CD163: variants seen among roughly 807,000 people sequenced by gnomAD.
CD163 encodes the protein scavenger receptor cysteine-rich type 1 protein M130.
In CD163, 64 loss-of-function variants were observed where a neutral mutation model predicts 129.2. The ratio of observed to expected loss-of-function variants is 0.50; its 90% CI spans 0.41 to 0.61. The LOEUF is 0.61. Ranked by LOEUF, CD163 falls within the 20% of genes least tolerant of loss-of-function variation. The probability of loss-of-function intolerance (pLI) is 0.00; values close to 1 mark genes in which losing one functional copy is unlikely to be tolerated. For missense variants in CD163, 1,061 were observed against 1,377.9 expected, an observed-to-expected ratio of 0.77 and a Z score of 3.64; for synonymous variants, 446 against 478.5, an observed-to-expected ratio of 0.93 and a Z score of 0.89.
At chr12:7,477,252 G>T (rs1949100198) in intron 16 of CD163, among the ~76,000 whole-genome samples, 1 of 152,114 alleles carries the variant, frequency 6.6e-6, no homozygotes, top group South Asian at 2.1e-4. Context: ...ACACCCAAAG[G>T]ATTATAAATC....
chr12:7,492,862 T>C (rs111778769), intron 6 of CD163, among the ~76,000 whole-genome samples: 366 of 152,242 alleles, frequency 2.4e-3, no homozygotes, highest in African/African-American at 8.1e-3. Context: ...AAGATAAAAT[T>C]GATACTCCAG....
chr12:7,479,241 G>A (rs962212071), intron 16 of CD163, among the ~76,000 whole-genome samples: 23 of 152,128 alleles, frequency 1.5e-4, no homozygotes, highest in Admixed American at 7.9e-4. Context: ...AAACAATCAT[G>A]TCTTTGCCAA....
At chr12:7,486,475 C>G (rs1565401868) in intron 10 of CD163, 24 bp downstream of exon 10, 1 of 1,597,996 alleles carries the variant, frequency 6.3e-7, no homozygotes, top group East Asian at 2.2e-5. Flanking sequence ...GTAATTATGA[C>G]CAAAGGTCAT....
intron 6 of CD163, among the ~76,000 whole-genome samples, chr12:7,493,264 C>A (rs541583143): frequency 1.3e-5 from 2 of 152,142 alleles, no homozygotes; most frequent in Non-Finnish European, 2.9e-5. Flanking sequence ...GAATAATGTG[C>A]CAGGAAGAAC....
intron 14 of CD163, 63 bp from the exon 15 acceptor site, chr12:7,481,319 T>G: frequency 7.6e-7 from 1 of 1,322,804 alleles, no homozygotes; most frequent in Non-Finnish European, 1.1e-6. Flanking sequence ...TTGCTGTAAG[T>G]GTGTTTTTTC....
chr12:7,476,276 C>A (rs1949086015), intron 16 of CD163, among the ~76,000 whole-genome samples: 1 of 152,108 alleles, frequency 6.6e-6, no homozygotes, highest in African/African-American at 2.4e-5. Flanking sequence ...GCCTGTATAG[C>A]CAAGACAATC....
rs773093850 is a variant in CD163, at chr12:7,499,134, C to G, written c.512G>C (p.Arg171Thr). 17 of 1,613,966 alleles carry G rather than the reference C, an allele frequency of 1.1e-5. No homozygotes were observed. Among genetic ancestry groups the G allele is most frequent in the Non-Finnish European group, 2.5e-6 (3 of 1,180,006 alleles). The change falls in exon 4 of 17, where the codon AGA becomes ACA. Residue 171 changes from arginine (R) to threonine (T), a missense_variant. Physicochemically the swap from Arg to Thr is moderately conservative, Grantham distance 71 (BLOSUM62 -1). Coordinates refer to ENST00000432237, the MANE Select transcript of CD163 (RefSeq NM_203416.4). ...CCGTCCTTGGAATTTGATCTCTATTCTTCCAGAACACATATTCCCTCCACG... is the reference window on the plus strand; with the variant it reads ...CCGTCCTTGGAATTTGATCTCTATTGTTCCAGAACACATATTCCCTCCACG... ...LTRGGNMCSG[R>T]IEIKFQGRWG...
rs61729515 is a variant in CD163 at position 7,503,667 on chromosome 12, T to C, written c.24A>G (p.Leu8=). MSKLRMV[L]LEDSGSADFR... is the part of the protein sequence containing the mutation. ...TACCAGCAGATCCAGAGTCTTCAAGTAGCACCATTCTGAGTTTGCTCATTC... is the reference window on the plus strand; with the variant it reads ...TACCAGCAGATCCAGAGTCTTCAAGCAGCACCATTCTGAGTTTGCTCATTC... Residue 8 remains leucine (L), a synonymous_variant, in exon 1 of 17, where the codon CTA becomes CTG. Coordinates refer to ENST00000432237, the MANE Select transcript of CD163 (RefSeq NM_203416.4). The C allele has an allele frequency of 5.5e-4, 886 of 1,604,274 alleles. 3 individuals carry two copies. In the African/African-American group the frequency reaches 0.01, roughly 19 times the overall value.
In CD163 at chr12:7,498,848, G is replaced by A; in HGVS notation, c.778+20C>T. On this transcript the variant is annotated intron_variant, in intron 4 of 16. Transcript: ENST00000432237. ...TTTGTCCTCTCCTGGAGAATAGAATGAGCCAAGATCAGTCCTTACTTGAGC... is the reference window on the plus strand; with the variant it reads ...TTTGTCCTCTCCTGGAGAATAGAATAAGCCAAGATCAGTCCTTACTTGAGC... 6 of 1,601,160 alleles carry A rather than the reference G, an allele frequency of 3.7e-6. No individual in the cohort carries two copies. The highest frequency in any genetic ancestry group is 5.1e-6 in the Non-Finnish European group (6 of 1,171,916).
At chr12:7,497,985 A>T (rs1173683084) in intron 4 of CD163, among the ~76,000 whole-genome samples, 5 of 152,212 alleles carry the variant, frequency 3.3e-5, no homozygotes, top group Non-Finnish European at 7.4e-5. Context: ...GACATGCAGA[A>T]AGAGATAGAA....
At chr12:7,494,476 A>G (rs1949372602) in intron 6 of CD163, among the ~76,000 whole-genome samples, 1 of 152,136 alleles carries the variant, frequency 6.6e-6, no homozygotes. Context: ...TACATGTTTA[A>G]TGGTTTTCTT....
At position 7,487,940 on chromosome 12, in the gene CD163, G is replaced by A. The variant is rs773207102; in HGVS notation, c.1568C>T (p.Thr523Ile). 3.1e-6 allele frequency: 5 copies of A among 1,613,928 alleles called. No individual in the cohort carries two copies. The African/African-American group carries it at 4.0e-5, about 13-fold the overall frequency. The change falls in exon 7 of 17, where the codon ACA becomes ATA. Residue 523 changes from threonine to isoleucine, a missense_variant. By Grantham distance (89) the Thr-to-Ile change is moderately conservative (BLOSUM62 -1). Transcript: ENST00000432237. The surrounding 1 kb of genome is among the most constrained non-coding windows in gnomAD (Gnocchi z 5.1). Reference protein sequence around the residue: ...SVLCRELQCGTVVSILGGAHF... With the variant: ...SVLCRELQCGIVVSILGGAHF... ...AGCTCCCCCCAGGATAGAGACAACT[G>A]TGCCACACTGTAATTCCCTGCATAG...
chr12:7,489,592 A>G (rs1949301009), intron 6 of CD163, among the ~76,000 whole-genome samples: 2 of 152,070 alleles, frequency 1.3e-5, no homozygotes, highest in South Asian at 4.1e-4. Context: ...TGGGTGGGTT[A>G]AAAAGGCCGC....
rs200000563 is a variant in CD163, at chr12:7,487,034, G to C, written c.2051-48C>G. The C allele has an allele frequency of 2.7e-5, 39 of 1,438,212 alleles. No individual in the cohort carries two copies. In the East Asian group the frequency reaches 8.7e-4, roughly 32 times the overall value. 89.1% of individuals were successfully genotyped at this position (1,438,212 alleles called of 1,614,324 possible). ...TCATACAAGACACAAAAGGTTAGGG[G>C]AGTCAGATGAAATGTTATATGGATG... On this transcript the variant is annotated intron_variant, in intron 8 of 16. Coordinates refer to ENST00000432237, the MANE Select transcript of CD163 (RefSeq NM_203416.4). This position sits in a 1 kb window ranked among gnomAD's most constrained non-coding sequence, Gnocchi z 5.1.
intron 16 of CD163, among the ~76,000 whole-genome samples, chr12:7,474,324 T>A (rs1325542440): frequency 6.6e-6 from 1 of 152,148 alleles, no homozygotes; most frequent in Non-Finnish European, 1.5e-5. Flanking sequence ...GACCTCATAA[T>A]TGGAAATAAA....
intron 16 of CD163, among the ~76,000 whole-genome samples, chr12:7,479,275 A>G (rs908767336): frequency 1.3e-5 from 2 of 152,134 alleles, no homozygotes; most frequent in Admixed American, 1.3e-4. Context: ...CTCTATCTTC[A>G]GTGCTCACGG....
rs373948816 is a variant in CD163, at chr12:7,486,695, G to A, written c.2262C>T (p.His754=). The A allele has an allele frequency of 1.1e-5, 17 of 1,613,994 alleles. No individual in the cohort carries two copies. Among genetic ancestry groups the A allele is most frequent in the African/African-American group, 8.0e-5 (6 of 74,888 alleles). ...CDDSWDLSDA[H]VVCRQLGCGE... Reference sequence around the variant, plus strand: ...CACAGCCCAGCTGTCTGCAAACCACGTGGGCATCACTCAGGTCCCAGCTGT... The same window carrying A: ...CACAGCCCAGCTGTCTGCAAACCACATGGGCATCACTCAGGTCCCAGCTGT... The change falls in exon 10 of 17, where the codon CAC becomes CAT. Residue 754 remains histidine (H), a synonymous_variant. Transcript: ENST00000432237.
At position 7,487,669 on chromosome 12, in the gene CD163, G is replaced by A. The variant is rs1267474782; in HGVS notation, c.1740C>T (p.Tyr580=). 2 of 1,614,106 alleles carry A rather than the reference G, an allele frequency of 1.2e-6. No homozygotes were observed. Among genetic ancestry groups the A allele is most frequent in the African/African-American group, 2.7e-5 (2 of 75,008 alleles). Reference sequence around the variant, plus strand: ...TGCCATTCACCAAGCGAATTTCTGTGTATCCTGGAAGGAGACAGGGCTTTA... The same window carrying A: ...TGCCATTCACCAAGCGAATTTCTGTATATCCTGGAAGGAGACAGGGCTTTA... ...SRDVGVVCSR[Y]TEIRLVNGKT... The change falls in exon 8 of 17, where the codon TAC becomes TAT. Residue 580 remains tyrosine (Y), a synonymous_variant. Coordinates refer to ENST00000432237, the MANE Select transcript of CD163 (RefSeq NM_203416.4). The surrounding 1 kb of genome is among the most constrained non-coding windows in gnomAD (Gnocchi z 5.1).
chr12:7,476,026 A>G (rs906360252), intron 16 of CD163, among the ~76,000 whole-genome samples: 8 of 152,192 alleles, frequency 5.3e-5, no homozygotes, highest in African/African-American at 1.9e-4. Context: ...AATACAACTT[A>G]CAAGGGATGT....
Sources: gnomAD v4.1 joint callset for allele counts (sites outside exome capture counted in the v4.1 genomes callset) on GRCh38, gnomAD v4.1.1 for gene constraint, Gnocchi (gnomAD v3.1) non-coding constraint, MANE v1.5 for transcripts, NCBI Gene and HGNC (gene_info 2026-07-23, HGNC 2026-07-21) for gene names.